The following TAF1A variants were observed in gnomAD, a reference collection of about 807,000 sequenced individuals.
The protein encoded by TAF1A is TATA-box binding protein associated factor, RNA polymerase I subunit A.
Under a neutral mutation model 61.6 loss-of-function variants are expected in TAF1A, and 42 were observed. That is an observed-to-expected ratio of 0.68 (90% CI 0.53 to 0.88). The LOEUF is 0.88. Ranked by LOEUF, TAF1A falls within the 40% of genes least tolerant of loss-of-function variation. The pLI is 0.00. For missense variants in TAF1A, 424 were observed against 518.7 expected, an observed-to-expected ratio of 0.82 and a Z score of 1.77; for synonymous variants, 179 against 177.7, an observed-to-expected ratio of 1.01 and a Z score of -0.06.
In TAF1A at chr1:222,577,119, T is replaced by C. The variant is rs533390149; in HGVS notation, c.604+326A>G. ...CAAGTCACCTCCATAGAAATTGGAA[T>C]GGAGTTTAGCTCTTCCTCCTGTCAG... On this transcript the variant is annotated intron_variant, in intron 5 of 10. Coordinates refer to ENST00000352967, the MANE Select transcript of TAF1A (RefSeq NM_005681.4). Among the ~76,000 whole-genome samples the C allele has an allele frequency of 8.5e-5, 12 of 140,776 alleles. No individual in the cohort carries two copies. In the South Asian group the frequency reaches 2.5e-3, roughly 30 times the overall value. The allele number at this position is 140,776 out of a possible 152,430, so 92.4% of individuals were successfully genotyped here. A position where few individuals can be genotyped will look rare whatever the true frequency, so the allele number is the denominator to read the frequency against.
In TAF1A at chr1:222,561,523, A is replaced by G. The variant is rs200504604; in HGVS notation, c.1086-5T>C. ...TGAACCCACGCAAGGTGGTTTCTGG[A>G]AAAGAAAAATGTCAAAAGAGAGGGT... On this transcript the variant is annotated splice_polypyrimidine_tract_variant and splice_region_variant and intron_variant, in intron 9 of 10. Transcript: ENST00000352967. 8,283 of 1,586,832 alleles carry G rather than the reference A, an allele frequency of 5.2e-3. 25 individuals carry two copies. The highest frequency in any genetic ancestry group is 6.2e-3 in the Non-Finnish European group (7,279 of 1,168,922).
Position 222,584,169 on chromosome 1 carries a change from A to G in TAF1A, c.250T>C (p.Leu84=). The G allele has an allele frequency of 1.9e-6, 3 of 1,611,038 alleles. No individual in the cohort carries two copies. The highest frequency in any genetic ancestry group is 1.3e-5 in the African/African-American group (1 of 74,878). The change falls in exon 3 of 11, where the codon TTG becomes CTG. Residue 84 remains leucine, a synonymous_variant. Transcript: ENST00000352967. ...CTTTTGTAGCTATCTGAATCTTCCA[A>G]GGTCTGAAAATAACTGTACATGTAT... The part of the protein sequence containing the change: ...AEYMYSYFQT[L]EDSDSYKRQA...
chr1:222,581,824 G>A (rs1335517484), intron 3 of TAF1A, among the ~76,000 whole-genome samples: 1 of 152,198 alleles, frequency 6.6e-6, no homozygotes, highest in African/African-American at 2.4e-5. Flanking sequence ...AAGGAGACCA[G>A]TGAGGATGGA....
chr1:222,554,168 T>G (rs1016484868), downstream of TAF1A, among the ~76,000 whole-genome samples: 2 of 152,170 alleles, frequency 1.3e-5, no homozygotes, highest in Admixed American at 6.5e-5. Flanking sequence ...TACTGAAGAG[T>G]GTATTGACTG....
chr1:222,567,605 G>A (rs1305904011), intron 7 of TAF1A, among the ~76,000 whole-genome samples: 2 of 152,082 alleles, frequency 1.3e-5, no homozygotes, highest in Non-Finnish European at 1.5e-5. Context: ...AATAAATGGA[G>A]AGACATGCCA....
In TAF1A at chr1:222,578,830, T is replaced by A. The variant is rs142684268; in HGVS notation, c.405+929A>T. ...ATATTGCCTGGTAAGCGGCAATAAG[T>A]GTTTTTAAAATTATTAACAACAAAA... is the stretch of plus-strand genomic sequence containing the variant. On this transcript the variant is annotated intron_variant, in intron 4 of 10. Coordinates refer to ENST00000352967, the MANE Select transcript of TAF1A (RefSeq NM_005681.4). Among the ~76,000 whole-genome samples, 305 of 152,332 alleles carry A rather than the reference T, an allele frequency of 2.0e-3. 4 individuals carry two copies. The highest frequency in any genetic ancestry group is 6.5e-3 in the African/African-American group (272 of 41,566).
At chr1:222,562,093 A>C (rs1284943526) in intron 9 of TAF1A, among the ~76,000 whole-genome samples, 1 of 152,242 alleles carries the variant, frequency 6.6e-6, no homozygotes, top group Non-Finnish European at 1.5e-5. Context: ...CAAATACATT[A>C]AGACATATGT....
chr1:222,577,647 C>T lies in TAF1A; in HGVS notation c.406-4G>A. 6.2e-7 allele frequency: 1 copy of T among 1,612,910 alleles called. No individual in the cohort carries two copies. Among genetic ancestry groups the T allele is most frequent in the Non-Finnish European group, 8.5e-7 (1 of 1,179,306 alleles). On this transcript the variant is annotated splice_region_variant and splice_polypyrimidine_tract_variant and intron_variant, in intron 4 of 10. Coordinates refer to ENST00000352967, the MANE Select transcript of TAF1A (RefSeq NM_005681.4). ...ATAATGCATGTTGTAAGGAGATCTG[C>T]AAAAATAATAAGGGTACACCGCCAT...
chr1:222,569,251 A>G (rs921185556), intron 7 of TAF1A: 2 of 1,299,146 alleles, frequency 1.5e-6, no homozygotes, highest in African/African-American at 3.0e-5. Flanking sequence ...TTTTCAAAAA[A>G]TATCAGTGCA....
rs1272672457 is a variant in TAF1A, at chr1:222,564,211, C to G, written c.895-86G>C. Reference sequence around the variant, plus strand: ...GCTTACTTTCAAAATAAAGTTCTTACTGTCTAATATGCTCCCTTTAAATTT... The same window carrying G: ...GCTTACTTTCAAAATAAAGTTCTTAGTGTCTAATATGCTCCCTTTAAATTT... On this transcript the variant is annotated intron_variant, in intron 7 of 10. Coordinates refer to ENST00000352967, the MANE Select transcript of TAF1A (RefSeq NM_005681.4). The G allele has an allele frequency of 8.1e-6, 6 of 741,302 alleles. No homozygotes were observed. The East Asian group carries it at 1.8e-4, about 22-fold the overall frequency. The allele number at this position is 741,302 out of a possible 1,614,324, so 45.9% of individuals were successfully genotyped here.
At chr1:222,561,044 C>G (rs912312272) in intron 10 of TAF1A, among the ~76,000 whole-genome samples, 2 of 152,126 alleles carry the variant, frequency 1.3e-5, no homozygotes, top group Non-Finnish European at 2.9e-5. Flanking sequence ...AATATTTTGA[C>G]ACTTGAAAAT....
rs528594471 is a variant in TAF1A, at chr1:222,569,730, T to A, written c.736-62A>T. ...TGTAAGACAGCTATACGAAAAATAA[T>A]ACACAGCATAAGTTTACTGATGGGT... On this transcript the variant is annotated intron_variant, in intron 6 of 10. Transcript: ENST00000352967. 6 of 1,454,598 alleles carry A rather than the reference T, an allele frequency of 4.1e-6. No homozygotes were observed. The African/African-American group carries it at 8.6e-5, about 21-fold the overall frequency. 90.1% of individuals were successfully genotyped at this position (1,454,598 alleles called of 1,614,324 possible). A position where few individuals can be genotyped will look rare whatever the true frequency, so the allele number is the denominator to read the frequency against.
chr1:222,576,622 T>A (rs1431565339), intron 5 of TAF1A, among the ~76,000 whole-genome samples: 2 of 152,250 alleles, frequency 1.3e-5, no homozygotes, highest in East Asian at 3.8e-4. Flanking sequence ...GTTTGAGAAC[T>A]GAATGGTCAA....
chr1:222,582,435 C>T (rs1660823010), intron 3 of TAF1A, among the ~76,000 whole-genome samples: 1 of 152,126 alleles, frequency 6.6e-6, no homozygotes, highest in Non-Finnish European at 1.5e-5. Context: ...ATCAGTAAGA[C>T]AGGACAATAA....
intron 2 of TAF1A, among the ~76,000 whole-genome samples, chr1:222,585,377 T>C (rs1450230852): frequency 1.3e-5 from 2 of 151,736 alleles, no homozygotes; most frequent in Admixed American, 6.6e-5. Context: ...CAATGCTAAA[T>C]GTTTTCTCAT....
chr1:222,575,839 A>G (rs1469671306), intron 5 of TAF1A, among the ~76,000 whole-genome samples: 1 of 152,234 alleles, frequency 6.6e-6, no homozygotes, highest in Admixed American at 6.5e-5. Context: ...CCATCTATCC[A>G]CAAGAGTAAC....
At position 222,558,662 on chromosome 1, in the gene TAF1A, A is replaced by ATC; in HGVS notation, c.1350_1351insGA (p.Ter451AspfsTer6). On this transcript the variant is annotated frameshift_variant, in exon 11 of 11. Transcript: ENST00000352967. LOFTEE classifies it high-confidence loss of function. ...TGTGAAATAACTAAAATTCAGTATC[A>ATC]GAGTCTTGGATTTACAATACTGTAT... The ATC allele has an allele frequency of 5.3e-6, 8 of 1,503,684 alleles. No individual in the cohort carries two copies. In the Admixed American group the frequency reaches 1.4e-4, roughly 27 times the overall value. 93.1% of individuals were successfully genotyped at this position (1,503,684 alleles called of 1,614,324 possible).
intron 2 of TAF1A, 92 bp from the exon 3 acceptor site, chr1:222,584,389 A>C: frequency 8.0e-7 from 1 of 1,257,670 alleles, no homozygotes; most frequent in South Asian, 1.6e-5. Context: ...TTTAACAAGT[A>C]AACAGTAGGC....
intron 2 of TAF1A, among the ~76,000 whole-genome samples, chr1:222,585,664 A>T (rs1051255186): frequency 6.6e-6 from 1 of 152,158 alleles, no homozygotes; most frequent in African/African-American, 2.4e-5. Context: ...ACTATTAATG[A>T]TAGCAATGTC....
Sources: allele counts gnomAD v4.1 joint callset (sites outside exome capture counted in the v4.1 genomes callset), GRCh38; gene constraint gnomAD v4.1.1; transcripts MANE v1.5; gene names NCBI Gene and HGNC (gene_info 2026-07-23, HGNC 2026-07-21).